Variants in CEP70 observed in about 807,000 individuals in gnomAD.
The protein encoded by CEP70 is centrosomal protein 70.
Under a neutral mutation model 90.9 loss-of-function variants are expected in CEP70, and 70 were observed. The ratio of observed to expected loss-of-function variants is 0.77; its 90% CI spans 0.64 to 0.94. The LOEUF (loss-of-function observed/expected upper bound fraction) is 0.94. Ranked by LOEUF, CEP70 falls within the 40% of genes least tolerant of loss-of-function variation. The pLI, the probability that CEP70 is intolerant of heterozygous loss-of-function variation, is 0.00. For synonymous variants in CEP70, 220 were observed against 228.3 expected, an observed-to-expected ratio of 0.96 and a Z score of 0.33; for missense variants, 648 against 669.0, an observed-to-expected ratio of 0.97 and a Z score of 0.35.
chr3:138,506,420 C>A (rs1018095072), intron 12 of CEP70, among the ~76,000 whole-genome samples: 3 of 152,102 alleles, frequency 2.0e-5, no homozygotes, highest in Non-Finnish European at 4.4e-5. Flanking sequence ...TTGACTATAA[C>A]CCTCTCCCCA....
intron 6 of CEP70, among the ~76,000 whole-genome samples, chr3:138,542,300 A>T (rs2038835468): frequency 6.6e-6 from 1 of 152,192 alleles, no homozygotes; most frequent in Non-Finnish European, 1.5e-5. Flanking sequence ...GACAAGGGGA[A>T]TGCAGGGGCG....
At chr3:138,591,253 T>A (rs888270733) in intron 2 of CEP70, among the ~76,000 whole-genome samples, 1 of 152,170 alleles carries the variant, frequency 6.6e-6, no homozygotes, top group African/African-American at 2.4e-5. Context: ...TAAAAATGTA[T>A]AAAATTAGCT....
intron 11 of CEP70, among the ~76,000 whole-genome samples, chr3:138,524,878 T>C (rs2037052883): frequency 1.3e-5 from 2 of 152,172 alleles, no homozygotes; most frequent in Non-Finnish European, 1.5e-5. Context: ...GTTCTAGAAC[T>C]AGAAATACCA....
Position 138,508,549 on chromosome 3 carries a change from A to G in CEP70, c.945-5T>C. ...TGATTAATAAGCTCCTGTAATCTAA[A>G]AGGGGGAAAAAAATCAAGATAATAC... is the stretch of plus-strand genomic sequence containing the variant. On this transcript the variant is annotated splice_region_variant and splice_polypyrimidine_tract_variant and intron_variant, in intron 11 of 17. Coordinates refer to ENST00000264982, the MANE Select transcript of CEP70 (RefSeq NM_024491.4). 1.9e-6 allele frequency: 3 copies of G among 1,554,130 alleles called. No homozygotes were observed. The highest frequency in any genetic ancestry group is 2.7e-6 in the Non-Finnish European group (3 of 1,125,914).
chr3:138,497,306 C>T, intron 17 of CEP70: 1 of 1,262,952 alleles, frequency 7.9e-7, no homozygotes, highest in South Asian at 1.3e-5. Context: ...TTCATCTCCT[C>T]TTCTAAAAGC....
chr3:138,574,218 A>G (rs1267778462), intron 2 of CEP70, among the ~76,000 whole-genome samples: 2 of 152,192 alleles, frequency 1.3e-5, no homozygotes, highest in East Asian at 3.9e-4. Flanking sequence ...TGTACCAGGA[A>G]AATCCAGACA....
chr3:138,541,596 C>CA (rs1019186882), intron 6 of CEP70, among the ~76,000 whole-genome samples: 1 of 151,908 alleles, frequency 6.6e-6, no homozygotes, highest in African/African-American at 2.4e-5. Context: ...CATGCAAAAA[C>CA]AAAAAAACAT....
intron 9 of CEP70, 41 bp from the exon 10 acceptor site, chr3:138,529,328 T>C (rs1363260638): frequency 6.4e-7 from 1 of 1,564,998 alleles, no homozygotes; most frequent in Non-Finnish European, 8.7e-7. Context: ...CTTTCTTAGA[T>C]TACTTAGTTT....
At chr3:138,558,361 T>C (rs1466596553) in intron 6 of CEP70, among the ~76,000 whole-genome samples, 1 of 151,964 alleles carries the variant, frequency 6.6e-6, no homozygotes, top group African/African-American at 2.4e-5. Flanking sequence ...CAAGACTCCG[T>C]CTCAAAAAAG....
At chr3:138,548,909 G>A (rs565716616) in intron 6 of CEP70, among the ~76,000 whole-genome samples, 2 of 152,160 alleles carry the variant, frequency 1.3e-5, no homozygotes, top group Non-Finnish European at 2.9e-5. Flanking sequence ...GGAAAGGAGA[G>A]ATTGTCCACC....
intron 7 of CEP70, among the ~76,000 whole-genome samples, chr3:138,534,176 G>A (rs920250621): frequency 6.6e-6 from 1 of 152,084 alleles, no homozygotes; most frequent in Admixed American, 6.5e-5. Flanking sequence ...CTTTTTAAAC[G>A]AACAATATAC....
At chr3:138,511,161 G>A (rs1021835759) in intron 11 of CEP70, among the ~76,000 whole-genome samples, 2 of 149,644 alleles carry the variant, frequency 1.3e-5, no homozygotes, top group Non-Finnish European at 2.9e-5. Flanking sequence ...GTGAGCCACC[G>A]TGCCCCCCCA....
chr3:138,522,133 C>T (rs373937078), intron 11 of CEP70, among the ~76,000 whole-genome samples: 3 of 152,098 alleles, frequency 2.0e-5, no homozygotes, highest in Admixed American at 6.5e-5. Context: ...TACCCATGGA[C>T]GCAAACACTG....
At chr3:138,586,307 G>C (rs1163444328) in intron 2 of CEP70, among the ~76,000 whole-genome samples, 1 of 152,098 alleles carries the variant, frequency 6.6e-6, no homozygotes, top group Non-Finnish European at 1.5e-5. Flanking sequence ...ATAGGCACAT[G>C]CCACCACACT....
chr3:138,586,981 A>T (rs1164336412), intron 2 of CEP70, among the ~76,000 whole-genome samples: 2 of 152,110 alleles, frequency 1.3e-5, no homozygotes, highest in Non-Finnish European at 1.5e-5. Flanking sequence ...AATTAAAAAA[A>T]TTTTAAATTG....
intron 2 of CEP70, among the ~76,000 whole-genome samples, chr3:138,581,281 C>CAA (rs549088013): frequency 6.6e-5 from 4 of 60,242 alleles, no homozygotes; most frequent in South Asian, 5.2e-4. Context: ...GACTCCATCT[C>CAA]AAAAAAAAAA....
chr3:138,591,865 C>T lies in CEP70; in HGVS notation c.-17G>A, dbSNP rs74915439. On this transcript the variant is annotated 5_prime_UTR_variant, in exon 2 of 18. It removes an upstream start codon present in the reference 5' UTR. Coordinates refer to ENST00000264982, the MANE Select transcript of CEP70 (RefSeq NM_024491.4). The stretch of plus-strand genomic sequence containing the variant: ...TACATTAGACATACCTCAGTCATAG[C>T]ATATTACTCTTGCACTTTACACCTG... 1,586 of 1,526,434 alleles carry T rather than the reference C, an allele frequency of 1.0e-3. 12 individuals carry two copies. The African/African-American group carries it at 0.02, about 19-fold the overall frequency. The allele number at this position is 1,526,434 out of a possible 1,614,324, so 94.6% of individuals were successfully genotyped here. A position where few individuals can be genotyped will look rare whatever the true frequency, so the allele number is the denominator to read the frequency against.
intron 17 of CEP70, chr3:138,496,564 G>T: frequency 1.0e-6 from 1 of 985,312 alleles, no homozygotes; most frequent in Non-Finnish European, 1.2e-6. Flanking sequence ...AAGGACCTTG[G>T]CCGATATGGG....
chr3:138,557,595 C>G (rs868824550), intron 6 of CEP70, among the ~76,000 whole-genome samples: 20 of 152,004 alleles, frequency 1.3e-4, no homozygotes, highest in South Asian at 6.2e-4. Flanking sequence ...CAGCCAGTCC[C>G]TCTGTTTGGG....
Sources: allele counts gnomAD v4.1 joint callset (sites outside exome capture counted in the v4.1 genomes callset), GRCh38; gene constraint gnomAD v4.1.1; transcripts MANE v1.5; gene names NCBI Gene and HGNC (gene_info 2026-07-23, HGNC 2026-07-21).